The following TENM4 variants were observed in gnomAD, a reference collection of about 807,000 sequenced individuals.
TENM4 encodes teneurin transmembrane protein 4, also known as teneurin-4.
A neutral mutation model predicts 243.3 loss-of-function variants in TENM4; 82 were observed. The ratio of observed to expected loss-of-function variants is 0.34; its 90% confidence interval spans 0.28 to 0.40. The LOEUF is 0.40. Ranked by LOEUF, TENM4 falls within the 10% of genes least tolerant of loss-of-function variation. TENM4 has a pLI of 1.00. For missense variants in TENM4, 3,138 were observed against 3,673.3 expected, an observed-to-expected ratio of 0.85 and a Z score of 3.77; for synonymous variants, 1,412 against 1,456.3, an observed-to-expected ratio of 0.97 and a Z score of 0.69.
intron 17 of TENM4, among the ~76,000 whole-genome samples, 168 bp downstream of exon 17, chr11:78,778,434 C>G (rs558431215): frequency 1.3e-3 from 204 of 152,214 alleles, no homozygotes; most frequent in Middle Eastern, 6.8e-3. Context: ...GACCGAAAAC[C>G]CATCCCCTTT....
At chr11:78,715,316 G>A (rs986117240) in intron 25 of TENM4, among the ~76,000 whole-genome samples, 17 of 152,184 alleles carry the variant, frequency 1.1e-4, no homozygotes, top group Non-Finnish European at 2.9e-5. Context: ...TGACAGCTCT[G>A]AGGCGGGGTG....
chr11:79,314,222 T>C (rs1433631789), intron 1 of TENM4, among the ~76,000 whole-genome samples: 1 of 152,204 alleles, frequency 6.6e-6, no homozygotes, highest in East Asian at 1.9e-4. Context: ...CCTCGTGGTG[T>C]CACCATGAAA....
chr11:78,778,874 T>C (rs1025301895), intron 16 of TENM4, among the ~76,000 whole-genome samples: 1 of 152,132 alleles, frequency 6.6e-6, no homozygotes, highest in Non-Finnish European at 1.5e-5. Flanking sequence ...CATTTGGAAA[T>C]GTGATCACAG....
chr11:79,295,113 C>A (rs1856427290), intron 2 of TENM4, among the ~76,000 whole-genome samples: 1 of 152,204 alleles, frequency 6.6e-6, no homozygotes, highest in Non-Finnish European at 1.5e-5. Context: ...AGCCCCAGAA[C>A]TGAGACGGTG....
chr11:78,953,829 AAG>A (rs1428944197), intron 6 of TENM4, among the ~76,000 whole-genome samples: 1 of 152,150 alleles, frequency 6.6e-6, no homozygotes, highest in Non-Finnish European at 1.5e-5. Flanking sequence ...CCTGTGGATC[AAG>A]AGAGAAGACT....
At chr11:78,825,940 C>T (rs1857837769) in intron 12 of TENM4, among the ~76,000 whole-genome samples, 1 of 152,114 alleles carries the variant, frequency 6.6e-6, no homozygotes, top group Non-Finnish European at 1.5e-5. Flanking sequence ...TCTGTGATGA[C>T]AGACAATGCA....
At chr11:78,922,564 C>T (rs562275985) in intron 6 of TENM4, among the ~76,000 whole-genome samples, 18 of 152,336 alleles carry the variant, frequency 1.2e-4, no homozygotes, top group African/African-American at 4.3e-4. Context: ...AATATCATTT[C>T]TGAATATCCT....
chr11:79,036,708 G>C (rs747400233), intron 6 of TENM4, among the ~76,000 whole-genome samples: 2 of 152,148 alleles, frequency 1.3e-5, no homozygotes, highest in Non-Finnish European at 2.9e-5. Flanking sequence ...AGATGGGTGA[G>C]TCAGAGAAAG....
chr11:79,277,480 A>T (rs1303821845), intron 2 of TENM4, among the ~76,000 whole-genome samples: 2 of 152,224 alleles, frequency 1.3e-5, no homozygotes, highest in Non-Finnish European at 2.9e-5. Flanking sequence ...ATGTCTAATC[A>T]ACGCAAAGAT....
intron 9 of TENM4, among the ~76,000 whole-genome samples, chr11:78,878,960 T>G (rs1267869997): frequency 6.6e-6 from 1 of 152,252 alleles, no homozygotes; most frequent in African/African-American, 2.4e-5. Context: ...GAATGAGAAT[T>G]GTGTCAGTAC....
At chr11:79,067,118 G>A (rs1365140687) in intron 5 of TENM4, among the ~76,000 whole-genome samples, 2 of 152,144 alleles carry the variant, frequency 1.3e-5, no homozygotes, top group African/African-American at 4.8e-5. Flanking sequence ...AAGGGTTAAT[G>A]TCCGCGGACC....
At chr11:78,826,526 C>T (rs940410587) in intron 12 of TENM4, among the ~76,000 whole-genome samples, 2 of 152,142 alleles carry the variant, frequency 1.3e-5, no homozygotes, top group Non-Finnish European at 2.9e-5. Context: ...GGCCATGTTA[C>T]TCATGGCCTG....
chr11:78,898,956 T>C (rs145915090), intron 7 of TENM4, among the ~76,000 whole-genome samples: 22 of 152,286 alleles, frequency 1.4e-4, no homozygotes, highest in African/African-American at 5.1e-4. Context: ...TTTCAGACAT[T>C]ATCTTAATAT....
At chr11:79,024,682 T>G (rs1255223582) in intron 6 of TENM4, among the ~76,000 whole-genome samples, 7 of 152,188 alleles carry the variant, frequency 4.6e-5, no homozygotes, top group Non-Finnish European at 1.0e-4. Context: ...CCCCTGGGCA[T>G]GGAAAGGGAT....
chr11:79,116,341 C>T (rs896149369), intron 4 of TENM4, among the ~76,000 whole-genome samples: 1 of 152,226 alleles, frequency 6.6e-6, no homozygotes, highest in Non-Finnish European at 1.5e-5. Context: ...CTCAAACTCA[C>T]AGCTAGTAAG....
chr11:79,328,700 C>T (rs923967299), intron 1 of TENM4, among the ~76,000 whole-genome samples: 7 of 152,162 alleles, frequency 4.6e-5, no homozygotes, highest in Non-Finnish European at 2.9e-5. Flanking sequence ...CTACAACGTG[C>T]CCGCTTCTGT....
Position 79,362,578 on chromosome 11 carries a change from G to A in TENM4, c.-320-65035C>T, listed in dbSNP as rs114006308. ...CTGACATCCAATCCTGGGGAACAAC[G>A]GGAACTGAACAAAGCAATGCCTGGG... On this transcript the variant is annotated intron_variant, in intron 1 of 33. Transcript: ENST00000278550. 5.1e-3 allele frequency among the ~76,000 whole-genome samples: 772 copies of A among 152,326 alleles called. 3 individuals are homozygous for A. The highest frequency in any genetic ancestry group is 0.018 in the African/African-American group (733 of 41,586).
At chr11:78,710,502 G>T (rs536337799) in intron 26 of TENM4, among the ~76,000 whole-genome samples, 1 of 152,310 alleles carries the variant, frequency 6.6e-6, no homozygotes, top group African/African-American at 2.4e-5. Context: ...CCTTTCTCAT[G>T]GTCCTGTCGT....
At chr11:79,297,923 TTTTTTTTTTC>T (rs1406491177) in intron 1 of TENM4, among the ~76,000 whole-genome samples, 1 of 147,472 alleles carries the variant, frequency 6.8e-6, no homozygotes, top group African/African-American at 2.6e-5. Context: ...CAATTTGGGC[TTTTTTTTTTC>T]TTTTTTTTTT....
Sources: allele counts gnomAD v4.1 joint callset (sites outside exome capture counted in the v4.1 genomes callset), GRCh38; gene constraint gnomAD v4.1.1; transcripts MANE v1.5; gene names NCBI Gene and HGNC (gene_info 2026-07-23, HGNC 2026-07-21).